The following SHANK2 variants were observed in gnomAD, a reference collection of about 807,000 sequenced individuals.
The protein encoded by SHANK2 is SH3 and multiple ankyrin repeat domains protein 2.
In SHANK2, 43 loss-of-function variants were observed where a neutral mutation model predicts 133.7. The ratio of observed to expected loss-of-function variants is 0.32; its 90% CI spans 0.25 to 0.41. The LOEUF is 0.41. Ranked by LOEUF, SHANK2 falls within the 10% of genes least tolerant of loss-of-function variation. The pLI, the probability that SHANK2 is intolerant of heterozygous loss-of-function variation, is 1.00. For missense variants in SHANK2, 1,994 were observed against 2,235.8 expected, an observed-to-expected ratio of 0.89 and a Z score of 2.18; for synonymous variants, 1,017 against 952.8, an observed-to-expected ratio of 1.07 and a Z score of -1.24.
chr11:70,914,211 C>T (rs1367306220), intron 10 of SHANK2, among the ~76,000 whole-genome samples: 5 of 152,100 alleles, frequency 3.3e-5, no homozygotes, highest in Non-Finnish European at 7.4e-5. Flanking sequence ...GGAAATCGGG[C>T]TCTGGGGCTC....
chr11:70,649,223 C>T (rs564290405), intron 17 of SHANK2, among the ~76,000 whole-genome samples: 2 of 152,276 alleles, frequency 1.3e-5, no homozygotes, highest in South Asian at 2.1e-4. Context: ...TCTCCATGAC[C>T]CCCTAGGTCC....
At chr11:71,190,951 CA>C (rs1555115307) in intron 2 of SHANK2, among the ~76,000 whole-genome samples, 9 of 152,020 alleles carry the variant, frequency 5.9e-5, no homozygotes, top group Admixed American at 2.0e-4. Flanking sequence ...TTCTCCCATG[CA>C]ATGGGAGAAA....
intron 10 of SHANK2, among the ~76,000 whole-genome samples, chr11:70,935,788 T>C (rs1441646591): frequency 6.7e-6 from 1 of 149,048 alleles, no homozygotes; most frequent in African/African-American, 2.4e-5. Context: ...AACTTGGGAA[T>C]GTTTTAAAAC....
chr11:70,828,103 A>T (rs1302624600), intron 11 of SHANK2, among the ~76,000 whole-genome samples: 2 of 152,160 alleles, frequency 1.3e-5, no homozygotes, highest in East Asian at 3.9e-4. Flanking sequence ...ACACAGTGAG[A>T]CCCCGTTTCC....
chr11:70,931,972 G>T (rs995427722), intron 10 of SHANK2, among the ~76,000 whole-genome samples: 2 of 152,118 alleles, frequency 1.3e-5, no homozygotes, highest in Admixed American at 6.5e-5. Flanking sequence ...AAGAAACACT[G>T]AAAGAGCCTC....
At chr11:70,533,769 C>A (rs2059509920) in intron 17 of SHANK2, among the ~76,000 whole-genome samples, 1 of 152,104 alleles carries the variant, frequency 6.6e-6, no homozygotes, top group South Asian at 2.1e-4. Flanking sequence ...ACCCCCTACC[C>A]ATTAGCAGTC....
intron 10 of SHANK2, among the ~76,000 whole-genome samples, chr11:70,902,437 T>A (rs964279849): frequency 6.6e-6 from 1 of 152,222 alleles, no homozygotes; most frequent in East Asian, 1.9e-4. Flanking sequence ...TCCCAGCCCC[T>A]GCCGCCTCCC....
At chr11:71,126,941 G>A (rs1281921175) in intron 3 of SHANK2, among the ~76,000 whole-genome samples, 8 of 152,120 alleles carry the variant, frequency 5.3e-5, no homozygotes, top group African/African-American at 1.4e-4. Flanking sequence ...TCCTAACCTC[G>A]TGATCTGCCC....
In SHANK2 at chr11:70,551,852, C is replaced by G. The variant is rs2059773752; in HGVS notation, c.2062-48921G>C. On this transcript the variant is annotated intron_variant, in intron 17 of 25. Transcript: ENST00000601538. Reference sequence around the variant, plus strand: ...TGGACTCTGGGTTCTGTAGCAGGCACAGTCAGGAGTGCTGGGCTAGGACCC... The same window carrying G: ...TGGACTCTGGGTTCTGTAGCAGGCAGAGTCAGGAGTGCTGGGCTAGGACCC... Among the ~76,000 whole-genome samples, 3 of 152,202 alleles carry G rather than the reference C, an allele frequency of 2.0e-5. No individual in the cohort carries two copies. In the South Asian group the frequency reaches 6.2e-4, roughly 32 times the overall value.
intron 11 of SHANK2, among the ~76,000 whole-genome samples, chr11:70,856,537 G>C (rs1430652266): frequency 6.6e-6 from 1 of 152,098 alleles, no homozygotes; most frequent in Non-Finnish European, 1.5e-5. Context: ...GGGAGGATGG[G>C]AGGTTGGGTG....
intron 1 of SHANK2, among the ~76,000 whole-genome samples, chr11:71,243,796 CACAA>C (rs1468678271): frequency 1.3e-5 from 2 of 152,114 alleles, no homozygotes; most frequent in Admixed American, 1.3e-4. Flanking sequence ...TCTGGTGGGA[CACAA>C]ACTAACAAAC....
At chr11:70,861,301 C>T (rs976315687) in intron 11 of SHANK2, among the ~76,000 whole-genome samples, 4 of 152,220 alleles carry the variant, frequency 2.6e-5, no homozygotes, top group South Asian at 2.1e-4. Flanking sequence ...AAAAATGGGT[C>T]GTGAAGGACT....
At chr11:70,727,788 G>A (rs1017180013) in intron 14 of SHANK2, among the ~76,000 whole-genome samples, 1 of 152,306 alleles carries the variant, frequency 6.6e-6, no homozygotes, top group Middle Eastern at 3.4e-3. Flanking sequence ...GCATTCAGAT[G>A]GTGTGGTCAG....
intron 10 of SHANK2, among the ~76,000 whole-genome samples, chr11:70,935,114 T>A (rs1482587189): frequency 6.6e-6 from 1 of 152,086 alleles, no homozygotes. Context: ...AATAAACAAT[T>A]CACCTGTTTT....
chr11:70,599,861 T>G (rs7483396), intron 17 of SHANK2, among the ~76,000 whole-genome samples: 23,986 of 78,620 alleles, frequency 0.31, 3,262 homozygotes, highest in East Asian at 0.54. Context: ...AAGAAAGAAA[T>G]AAAAAGAAAG....
At chr11:70,927,553 C>A (rs925954477) in intron 10 of SHANK2, among the ~76,000 whole-genome samples, 1 of 151,996 alleles carries the variant, frequency 6.6e-6, no homozygotes, top group African/African-American at 2.4e-5. Flanking sequence ...GCAGTGAGTT[C>A]CCCATCTCTG....
chr11:70,863,269 G>T, intron 11 of SHANK2: 1 of 453,644 alleles, frequency 2.2e-6, no homozygotes, highest in Non-Finnish European at 4.5e-6. Flanking sequence ...CCATGACATG[G>T]CTGTCTCTGT....
chr11:70,509,967 T>G (rs1012656792), intron 17 of SHANK2, among the ~76,000 whole-genome samples: 2 of 152,198 alleles, frequency 1.3e-5, no homozygotes, highest in African/African-American at 4.8e-5. Context: ...AGAACTCAAG[T>G]GACAAACCAT....
intron 11 of SHANK2, among the ~76,000 whole-genome samples, chr11:70,870,883 T>C (rs1380210375): frequency 2.0e-5 from 3 of 152,194 alleles, no homozygotes; most frequent in Non-Finnish European, 2.9e-5. Flanking sequence ...ATTCAAGTGA[T>C]TCTCCTGCCT....
Sources: allele counts gnomAD v4.1 joint callset (sites outside exome capture counted in the v4.1 genomes callset), GRCh38; gene constraint gnomAD v4.1.1; transcripts MANE v1.5; gene names NCBI Gene and HGNC (gene_info 2026-07-23, HGNC 2026-07-21).